The following RBKS variants were observed in gnomAD, a reference collection of about 807,000 sequenced individuals.
RBKS encodes the protein ribokinase.
In RBKS, 33 loss-of-function variants were observed where a neutral mutation model predicts 33.9. The observed-to-expected ratio is 0.97, with a 90% CI of 0.74 to 1.30. The LOEUF is 1.30. RBKS is among the 50% of genes most tolerant of loss of function. The pLI is 0.00. For missense variants in RBKS, 361 were observed against 392.6 expected (o/e 0.92, Z 0.68); for synonymous variants, 125 against 143.0 (o/e 0.87, Z 0.90).
rs565950472 is a variant in RBKS, at chr2:27,860,851, G to A, written c.90-2280C>T. On this transcript the variant is annotated intron_variant, in intron 1 of 7. Transcript: ENST00000302188. The stretch of plus-strand genomic sequence containing the variant: ...TTCCCTGCATGAGGACAGGGACCAA[G>A]TCTGTCATGTTCTCCATTTTATGCA... 2.0e-5 allele frequency among the ~76,000 whole-genome samples: 3 copies of A among 152,280 alleles called. No homozygotes were observed. In the South Asian group the frequency reaches 6.2e-4, roughly 32 times the overall value.
intron 1 of RBKS, among the ~76,000 whole-genome samples, chr2:27,865,310 A>G (rs1664075970): frequency 6.6e-6 from 1 of 151,922 alleles, no homozygotes; most frequent in Non-Finnish European, 1.5e-5. Context: ...ACAGAGCGAG[A>G]CTCCTTCTCA....
chr2:27,784,940 G>T (rs907040694), intron 7 of RBKS, among the ~76,000 whole-genome samples: 1 of 152,134 alleles, frequency 6.6e-6, no homozygotes, highest in African/African-American at 2.4e-5. Flanking sequence ...CATGGGAAAG[G>T]CCTGAAACCT....
At chr2:27,803,111 C>T (rs1050409547) in intron 7 of RBKS, among the ~76,000 whole-genome samples, 3 of 152,160 alleles carry the variant, frequency 2.0e-5, no homozygotes, top group Admixed American at 2.0e-4. Context: ...ATTACAAGCA[C>T]GTGCCACTGT....
At chr2:27,829,943 T>C (rs1678388432) in intron 6 of RBKS, among the ~76,000 whole-genome samples, 1 of 152,158 alleles carries the variant, frequency 6.6e-6, no homozygotes, top group Non-Finnish European at 1.5e-5. Context: ...GCCTAGCATG[T>C]ATGGTTTCCA....
chr2:27,785,965 C>G (rs1677390467), intron 7 of RBKS, among the ~76,000 whole-genome samples: 1 of 152,066 alleles, frequency 6.6e-6, no homozygotes, highest in Non-Finnish European at 1.5e-5. Flanking sequence ...TAAACTGGTA[C>G]ATTCTTATTA....
chr2:27,849,559 C>CG, intron 2 of RBKS, among the ~76,000 whole-genome samples: 1 of 28,598 alleles, frequency 3.5e-5, no homozygotes, highest in East Asian at 1.4e-3. Flanking sequence ...GACTCTGTCT[C>CG]AAAAAAAAAA....
intron 1 of RBKS, among the ~76,000 whole-genome samples, chr2:27,865,170 A>G (rs1490767323): frequency 6.6e-6 from 1 of 152,170 alleles, no homozygotes; most frequent in African/African-American, 2.4e-5. Context: ...AATACAAAAA[A>G]TTAGCCAGGC....
intron 7 of RBKS, among the ~76,000 whole-genome samples, chr2:27,807,421 C>A (rs894260192): frequency 2.0e-5 from 3 of 152,008 alleles, no homozygotes; most frequent in African/African-American, 7.3e-5. Flanking sequence ...GCTCTGTCAC[C>A]CAGGCTGGAG....
chr2:27,872,844 T>G (rs1372555693), intron 1 of RBKS, among the ~76,000 whole-genome samples: 1 of 151,940 alleles, frequency 6.6e-6, no homozygotes, highest in Non-Finnish European at 1.5e-5. Context: ...ACCCATCAAA[T>G]AAGAAACATG....
intron 7 of RBKS, among the ~76,000 whole-genome samples, chr2:27,822,514 G>A (rs1318623244): frequency 1.3e-5 from 2 of 152,200 alleles, no homozygotes; most frequent in African/African-American, 4.8e-5. Flanking sequence ...AGGAATACAA[G>A]AGGCCACCTG....
intron 1 of RBKS, among the ~76,000 whole-genome samples, chr2:27,871,514 CT>C (rs1664213134): frequency 6.6e-6 from 1 of 152,152 alleles, no homozygotes; most frequent in East Asian, 1.9e-4. Context: ...TCTTTCCCCC[CT>C]TTTCAAAGAA....
intron 5 of RBKS, among the ~76,000 whole-genome samples, chr2:27,841,673 T>C (rs1336179813): frequency 2.6e-5 from 4 of 151,776 alleles, no homozygotes; most frequent in Non-Finnish European, 5.9e-5. Context: ...CAGTGACTTA[T>C]TTTCCATTTA....
chr2:27,830,499 C>T (rs1378862494), intron 6 of RBKS, among the ~76,000 whole-genome samples: 1 of 152,130 alleles, frequency 6.6e-6, no homozygotes, highest in Non-Finnish European at 1.5e-5. Flanking sequence ...CTCCTGACCT[C>T]ATGATCTGCC....
intron 7 of RBKS, among the ~76,000 whole-genome samples, chr2:27,812,339 C>T (rs535082919): frequency 6.6e-6 from 1 of 152,264 alleles, no homozygotes; most frequent in Admixed American, 6.5e-5. Flanking sequence ...TACCATTTGA[C>T]CCAGCCATCC....
chr2:27,862,201 C>T (rs1159226851), intron 1 of RBKS, among the ~76,000 whole-genome samples: 2 of 151,928 alleles, frequency 1.3e-5, no homozygotes, highest in African/African-American at 2.4e-5. Flanking sequence ...CCTCCTGCCT[C>T]GGCCTCCCAA....
At chr2:27,866,164 T>C (rs1289169030) in intron 1 of RBKS, among the ~76,000 whole-genome samples, 1 of 152,216 alleles carries the variant, frequency 6.6e-6, no homozygotes, top group Non-Finnish European at 1.5e-5. Flanking sequence ...AGTCTTTATC[T>C]TTCCCCTTTA....
chr2:27,843,329 T>A, intron 4 of RBKS, 98 bp from the exon 5 acceptor site: 1 of 885,132 alleles, frequency 1.1e-6, no homozygotes, highest in Non-Finnish European at 1.7e-6. Context: ...AAAGTCATTA[T>A]ACAAAATGTG....
intron 4 of RBKS, among the ~76,000 whole-genome samples, chr2:27,845,812 C>T (rs940476588): frequency 3.9e-5 from 6 of 152,186 alleles, no homozygotes; most frequent in African/African-American, 1.4e-4. Context: ...AACACAAGCA[C>T]GCTGTCCACA....
intron 1 of RBKS, among the ~76,000 whole-genome samples, chr2:27,867,219 G>C (rs1461937412): frequency 6.6e-6 from 1 of 151,776 alleles, no homozygotes; most frequent in Admixed American, 6.6e-5. Context: ...CTGATTCTTT[G>C]CATGTCTAGT....
Sources: gnomAD v4.1 joint callset for allele counts (sites outside exome capture counted in the v4.1 genomes callset) on GRCh38, gnomAD v4.1.1 for gene constraint, MANE v1.5 for transcripts, NCBI Gene and HGNC (gene_info 2026-07-23, HGNC 2026-07-21) for gene names.